LYRM4: variants seen among roughly 807,000 people sequenced by gnomAD.
LYRM4 encodes the protein LYR motif containing 4.
Under a neutral mutation model 11.7 loss-of-function variants are expected in LYRM4, and 9 were observed. The observed-to-expected ratio is 0.77, with a 90% confidence interval of 0.46 to 1.34. The LOEUF is 1.34. Among genes scored for constraint, LYRM4 ranks in the 40% most tolerant of loss-of-function variants. The pLI is 0.00. For missense variants in LYRM4, 133 were observed against 112.5 expected (o/e 1.18, Z -0.82); for synonymous variants, 42 against 40.4 (o/e 1.04, Z -0.15).
At chr6:5,259,734 T>C (rs566644005) in intron 1 of LYRM4, among the ~76,000 whole-genome samples, 3 of 152,164 alleles carry the variant, frequency 2.0e-5, no homozygotes, top group Non-Finnish European at 1.5e-5. Context: ...AGAGATGAGT[T>C]GATCCAACCA....
chr6:5,118,563 C>T (rs1281079797), intron 2 of LYRM4, among the ~76,000 whole-genome samples: 1 of 152,176 alleles, frequency 6.6e-6, no homozygotes, highest in Non-Finnish European at 1.5e-5. Context: ...TCCTTTCACG[C>T]CGCCTGCAAT....
intron 2 of LYRM4, chr6:5,186,973 G>C (rs1760438180): frequency 3.0e-6 from 2 of 677,212 alleles, no homozygotes; most frequent in African/African-American, 4.4e-5. Context: ...GACAGAGTGA[G>C]AGTCCATCTT....
intron 1 of LYRM4, among the ~76,000 whole-genome samples, chr6:5,258,417 A>G (rs1303261032): frequency 6.6e-6 from 1 of 152,218 alleles, no homozygotes. Flanking sequence ...AATAGTACCT[A>G]CCTCACAAGA....
intron 1 of LYRM4, among the ~76,000 whole-genome samples, chr6:5,220,379 G>C (rs1762515741): frequency 6.6e-6 from 1 of 152,126 alleles, no homozygotes; most frequent in African/African-American, 2.4e-5. Flanking sequence ...ATCTTCATCA[G>C]CATCTCAAGT....
intron 1 of LYRM4, among the ~76,000 whole-genome samples, chr6:5,249,462 A>G (rs1234123363): frequency 6.6e-6 from 1 of 152,160 alleles, no homozygotes; most frequent in African/African-American, 2.4e-5. Flanking sequence ...AGTCACTGTG[A>G]TTTTTGCTTT....
At chr6:5,196,973 T>C (rs1761089659) in intron 2 of LYRM4, among the ~76,000 whole-genome samples, 1 of 152,168 alleles carries the variant, frequency 6.6e-6, no homozygotes, top group African/African-American at 2.4e-5. Context: ...TTGATGTCAA[T>C]TAAAAACGCA....
chr6:5,152,094 T>A (rs1405029475), intron 2 of LYRM4, among the ~76,000 whole-genome samples: 2 of 152,208 alleles, frequency 1.3e-5, no homozygotes, highest in Non-Finnish European at 2.9e-5. Context: ...CTTGTCAATA[T>A]GTATCACTGG....
the LYRM4 span, among the ~76,000 whole-genome samples, chr6:5,060,831 T>C: frequency 6.6e-6 from 1 of 152,208 alleles, no homozygotes. Context: ...CCCAGCTATA[T>C]TTTTCAATTT....
chr6:5,102,718 C>T (rs900468741), downstream of LYRM4: 2 of 152,228 alleles, frequency 1.3e-5, no homozygotes, highest in Non-Finnish European at 2.9e-5. Flanking sequence ...GCCAGAATGC[C>T]TCATGAACAA....
At chr6:5,123,729 T>G (rs1216733143) in intron 2 of LYRM4, among the ~76,000 whole-genome samples, 1 of 152,234 alleles carries the variant, frequency 6.6e-6, no homozygotes, top group Non-Finnish European at 1.5e-5. Flanking sequence ...CCCATGCCGA[T>G]GGCCCACGGC....
Position 5,214,968 on chromosome 6 carries a change from C to T in LYRM4, c.207+1650G>A, listed in dbSNP as rs1762191061. Reference sequence around the variant, plus strand: ...CTGGGGAGGGCGCCCTTGCCCTGCACATGCCACTGCTCCAGTGCGTCTGTC... The same window carrying T: ...CTGGGGAGGGCGCCCTTGCCCTGCATATGCCACTGCTCCAGTGCGTCTGTC... On this transcript the variant is annotated intron_variant, in intron 2 of 2. Coordinates refer to ENST00000330636, the MANE Select transcript of LYRM4 (RefSeq NM_020408.6). Among the ~76,000 whole-genome samples the T allele has an allele frequency of 2.0e-5, 3 of 152,026 alleles. No individual in the cohort carries two copies. In the South Asian group the frequency reaches 6.2e-4, roughly 31 times the overall value.
chr6:5,251,073 A>G (rs1038397539), intron 1 of LYRM4, among the ~76,000 whole-genome samples: 4 of 152,156 alleles, frequency 2.6e-5, no homozygotes, highest in Non-Finnish European at 5.9e-5. Flanking sequence ...AGCCGTCCTT[A>G]TATGTACATT....
At chr6:5,187,265 CAGT>C (rs2127686322) in intron 2 of LYRM4, among the ~76,000 whole-genome samples, 1 of 152,284 alleles carries the variant, frequency 6.6e-6, no homozygotes, top group East Asian at 1.9e-4. Flanking sequence ...GTAAGTCGTT[CAGT>C]CCACATTTTA....
chr6:5,090,074 G>T, the LYRM4 span, among the ~76,000 whole-genome samples: 1 of 144,712 alleles, frequency 6.9e-6, no homozygotes, highest in African/African-American at 2.7e-5. The surrounding 1 kb of genome is among the most constrained non-coding windows in gnomAD (Gnocchi z 4.8). Flanking sequence ...TCCCTGCAAT[G>T]CAGTCAGTGC....
At chr6:5,171,314 T>G (rs935387555) in intron 2 of LYRM4, among the ~76,000 whole-genome samples, 2 of 152,192 alleles carry the variant, frequency 1.3e-5, no homozygotes, top group Non-Finnish European at 1.5e-5. Flanking sequence ...TCTCCTTTCC[T>G]GTCAGGCACA....
At chr6:5,260,104 C>T (rs916163325) in intron 1 of LYRM4, among the ~76,000 whole-genome samples, 1 of 152,144 alleles carries the variant, frequency 6.6e-6, no homozygotes. Context: ...TTGTGAGACC[C>T]TTTTTCCTTT....
At chr6:5,242,798 G>A (rs9405811) in intron 1 of LYRM4, among the ~76,000 whole-genome samples, 38,655 of 138,572 alleles carry the variant, frequency 0.28, 6,651 homozygotes, top group African/African-American at 0.51. Context: ...ACGGAGTCTC[G>A]CTCTGTCGCC....
intron 2 of LYRM4, among the ~76,000 whole-genome samples, chr6:5,189,228 A>G (rs1017569350): frequency 3.3e-5 from 5 of 152,196 alleles, no homozygotes; most frequent in African/African-American, 1.2e-4. Context: ...CCCCAGTTTT[A>G]TTTGTTTTGG....
chr6:5,045,490 G>C, the LYRM4 span, among the ~76,000 whole-genome samples: 1 of 152,180 alleles, frequency 6.6e-6, no homozygotes, highest in African/African-American at 2.4e-5. Context: ...TTGTTTAAAA[G>C]GTACAGAGTT....
Sources: allele counts gnomAD v4.1 joint callset (sites outside exome capture counted in the v4.1 genomes callset), GRCh38; gene constraint gnomAD v4.1.1; non-coding constraint Gnocchi (gnomAD v3.1); transcripts MANE v1.5; gene names NCBI Gene and HGNC (gene_info 2026-07-23, HGNC 2026-07-21).